Variants in ABHD18 observed in about 807,000 individuals in gnomAD.
ABHD18 encodes the protein cardiolipin-specific deacylase, mitochondrial.
A neutral mutation model predicts 65.9 loss-of-function variants in ABHD18; 55 were observed. The observed-to-expected ratio is 0.84, with a 90% CI of 0.67 to 1.05. The LOEUF is 1.05. Among genes scored for constraint, ABHD18 ranks in the 50% least tolerant of loss-of-function variants. The probability of loss-of-function intolerance (pLI) is 0.00; values close to 1 mark genes in which losing one functional copy is unlikely to be tolerated. For missense variants in ABHD18, 533 were observed against 558.5 expected (o/e 0.95, Z 0.46); for synonymous variants, 181 against 180.2 (o/e 1.00, Z -0.04).
chr4:127,974,427 G>A lies in ABHD18; in HGVS notation c.-17-8512G>A, dbSNP rs570449506. Among the ~76,000 whole-genome samples, 21 of 151,950 alleles carry A rather than the reference G, an allele frequency of 1.4e-4. No homozygotes were observed. In the East Asian group the frequency reaches 4.1e-3, roughly 30 times the overall value. ...CTGTGTCACCCTGGCCTGGAGTGCA[G>A]TAGCCATGATCTTGGCTCACTGTAG... is the stretch of plus-strand genomic sequence containing the variant. On this transcript the variant is annotated intron_variant, in intron 1 of 12. Transcript: ENST00000645843.
chr4:128,012,613 G>A (rs924339931), intron 7 of ABHD18, among the ~76,000 whole-genome samples: 10 of 152,244 alleles, frequency 6.6e-5, no homozygotes, highest in Admixed American at 6.5e-4. Flanking sequence ...AGTAATATGG[G>A]ATGCAGTGTA....
At chr4:128,009,212 A>G in intron 6 of ABHD18, 21 bp downstream of exon 6, 1 of 1,370,374 alleles carries the variant, frequency 7.3e-7, no homozygotes, top group South Asian at 1.8e-5. Context: ...GTGATATCTA[A>G]GAAATCTTTT....
At chr4:127,969,328 A>G (rs1256533434) in intron 1 of ABHD18, among the ~76,000 whole-genome samples, 5 of 151,598 alleles carry the variant, frequency 3.3e-5, no homozygotes, top group Non-Finnish European at 7.4e-5. Context: ...CAACCTCCCA[A>G]GTAGCTGGGA....
intron 4 of ABHD18, among the ~76,000 whole-genome samples, chr4:128,001,962 T>A (rs968561627): frequency 2.0e-5 from 3 of 152,142 alleles, no homozygotes; most frequent in African/African-American, 7.2e-5. Flanking sequence ...GTCTCCATTC[T>A]TTTATGAGAG....
rs531232736 is a variant in ABHD18, at chr4:128,006,204, T to G, written c.279-2716T>G. On this transcript the variant is annotated intron_variant, in intron 4 of 12. Transcript: ENST00000645843. Reference sequence around the variant, plus strand: ...GTTAGTTAATACTCCAATAAAAAATTCCTATTAAAGCTATTATCCAATAAT... The same window carrying G: ...GTTAGTTAATACTCCAATAAAAAATGCCTATTAAAGCTATTATCCAATAAT... Among the ~76,000 whole-genome samples, 49 of 152,276 alleles carry G rather than the reference T, an allele frequency of 3.2e-4. No homozygotes were observed. In the South Asian group the frequency reaches 1.0e-2, roughly 31 times the overall value.
chr4:128,020,218 A>C, intron 9 of ABHD18, 49 bp downstream of exon 9: 1 of 1,478,232 alleles, frequency 6.8e-7, no homozygotes, highest in Non-Finnish European at 9.3e-7. Flanking sequence ...ATTAGAGGTA[A>C]TTGTTTTGGG....
chr4:127,965,494 A>C lies in ABHD18; in HGVS notation c.-130A>C. 1 of 385,420 alleles carries C rather than the reference A, an allele frequency of 2.6e-6. No individual in the cohort carries two copies. Among genetic ancestry groups the C allele is most frequent in the Non-Finnish European group, 4.9e-6 (1 of 204,100 alleles). 23.9% of individuals were successfully genotyped at this position (385,420 alleles called of 1,614,324 possible). On this transcript the variant is annotated 5_prime_UTR_variant, in exon 1 of 13. Transcript: ENST00000645843. ...TAGCATTTCGGTTCCTGGAAAGGTTACCGGAGCTGCGATTGGGGCTGGGAC... is the reference window on the plus strand; with the variant it reads ...TAGCATTTCGGTTCCTGGAAAGGTTCCCGGAGCTGCGATTGGGGCTGGGAC...
chr4:127,973,382 T>G lies in ABHD18; in HGVS notation c.-18+7776T>G, dbSNP rs564885467. Among the ~76,000 whole-genome samples the G allele has an allele frequency of 2.3e-4, 35 of 151,150 alleles. 1 individual carries two copies. Among genetic ancestry groups the G allele is most frequent in the South Asian group, 1.5e-3 (7 of 4,764 alleles). On this transcript the variant is annotated intron_variant, in intron 1 of 12. Coordinates refer to ENST00000645843, the MANE Select transcript of ABHD18 (RefSeq NM_001358451.3). Reference sequence around the variant, plus strand: ...TATTCAAGTCTGTGGAGTTTGGGGGTTTTTTTTTCCCCCTTACTGGTAGGA... The same window carrying G: ...TATTCAAGTCTGTGGAGTTTGGGGGGTTTTTTTTCCCCCTTACTGGTAGGA...
intron 4 of ABHD18, among the ~76,000 whole-genome samples, chr4:128,003,559 G>A (rs953642285): frequency 3.3e-5 from 5 of 151,750 alleles, no homozygotes; most frequent in African/African-American, 1.2e-4. Context: ...GATAACAGAT[G>A]GAAAGCAAAT....
intron 4 of ABHD18, among the ~76,000 whole-genome samples, chr4:127,997,105 G>A (rs1417482066): frequency 6.6e-6 from 1 of 152,174 alleles, no homozygotes; most frequent in African/African-American, 2.4e-5. Context: ...AGTGATAAAC[G>A]TCCATGAAAT....
At chr4:128,023,723 A>T (rs1237856914) in intron 10 of ABHD18, among the ~76,000 whole-genome samples, 2 of 151,992 alleles carry the variant, frequency 1.3e-5, no homozygotes, top group African/African-American at 4.8e-5. Context: ...TACTAAAAAT[A>T]CAAAAAATTA....
At chr4:127,971,955 A>C (rs1746907541) in intron 1 of ABHD18, among the ~76,000 whole-genome samples, 1 of 152,114 alleles carries the variant, frequency 6.6e-6, no homozygotes. Context: ...CTTCAGATGC[A>C]CTTCAGGGGT....
chr4:128,002,282 T>C (rs1482105452), intron 4 of ABHD18, among the ~76,000 whole-genome samples: 2 of 151,630 alleles, frequency 1.3e-5, no homozygotes, highest in Admixed American at 1.3e-4. Context: ...CTTTTTTTTT[T>C]TTTTCTTTTT....
intron 10 of ABHD18, among the ~76,000 whole-genome samples, chr4:128,021,805 C>A (rs1314195936): frequency 6.6e-6 from 1 of 151,038 alleles, no homozygotes; most frequent in African/African-American, 2.5e-5. Context: ...AACCCAGAAA[C>A]CCCTTCAAAT....
chr4:128,020,507 C>T (rs1756312330), intron 9 of ABHD18, among the ~76,000 whole-genome samples: 3 of 152,178 alleles, frequency 2.0e-5, no homozygotes, highest in Non-Finnish European at 1.5e-5. Context: ...CTGAGCCTTG[C>T]AGTCCAGAGT....
chr4:128,036,022 G>C lies in ABHD18; in HGVS notation c.*209G>C. 2.6e-6 allele frequency: 1 copy of C among 386,888 alleles called. No individual in the cohort carries two copies. The highest frequency in any genetic ancestry group is 3.7e-5 in the East Asian group (1 of 26,896). 24.0% of individuals were successfully genotyped at this position (386,888 alleles called of 1,614,324 possible). Reference sequence around the variant, plus strand: ...AATATTTGAAGTAAATAATGTTAAAGTGTTTTTACTATTGTTTATTGGAAT... The same window carrying C: ...AATATTTGAAGTAAATAATGTTAAACTGTTTTTACTATTGTTTATTGGAAT... On this transcript the variant is annotated 3_prime_UTR_variant, in exon 13 of 13. Coordinates refer to ENST00000645843, the MANE Select transcript of ABHD18 (RefSeq NM_001358451.3).
rs1326507209 is a variant in ABHD18 at position 128,033,876 on chromosome 4, G to C, written c.1344-1886G>C. On this transcript the variant is annotated intron_variant, in intron 12 of 12. Transcript: ENST00000645843. ...AGCTGTGTTTGGATGTGAGGATATG[G>C]TTAGTTGAACAAGTGGGATACAAAA... is the stretch of plus-strand genomic sequence containing the variant. Among the ~76,000 whole-genome samples, 3 of 151,530 alleles carry C rather than the reference G, an allele frequency of 2.0e-5. No individual in the cohort carries two copies. The East Asian group carries it at 5.8e-4, about 29-fold the overall frequency.
At chr4:127,992,006 A>C (rs1334014460) in intron 4 of ABHD18, among the ~76,000 whole-genome samples, 1 of 152,208 alleles carries the variant, frequency 6.6e-6, no homozygotes, top group East Asian at 1.9e-4. Context: ...CTCTGAATGA[A>C]AGGCAAGCAA....
intron 9 of ABHD18, among the ~76,000 whole-genome samples, chr4:128,020,652 G>A (rs1756338251): frequency 6.6e-6 from 1 of 152,126 alleles, no homozygotes; most frequent in African/African-American, 2.4e-5. Context: ...TTATCATTTA[G>A]GAAAAGTTTT....
Sources: gnomAD v4.1 joint callset for allele counts (sites outside exome capture counted in the v4.1 genomes callset) on GRCh38, gnomAD v4.1.1 for gene constraint, MANE v1.5 for transcripts, NCBI Gene and HGNC (gene_info 2026-07-23, HGNC 2026-07-21) for gene names.